The following RAB38 variants were observed in gnomAD, a reference collection of about 807,000 sequenced individuals.
RAB38 encodes the protein RAB38, member RAS oncogene family, also known as ras-related protein Rab-38.
Under a neutral mutation model 18.4 loss-of-function variants are expected in RAB38, and 15 were observed. The observed-to-expected ratio is 0.82, with a 90% confidence interval of 0.55 to 1.26. The LOEUF is 1.26. Among genes scored for constraint, RAB38 ranks in the 50% most tolerant of loss-of-function variants. The pLI is 0.00. For missense variants in RAB38, 294 were observed against 267.4 expected (o/e 1.10, Z -0.69); for synonymous variants, 101 against 104.4 (o/e 0.97, Z 0.20).
At chr11:87,958,822 A>T in the RAB38 span, among the ~76,000 whole-genome samples, 4 of 152,178 alleles carry the variant, frequency 2.6e-5, no homozygotes, top group Non-Finnish European at 5.9e-5. Context: ...AGTAAGTGAC[A>T]TATGCAAATC....
the RAB38 span, among the ~76,000 whole-genome samples, chr11:87,913,380 G>A: frequency 1.3e-5 from 2 of 152,074 alleles, no homozygotes; most frequent in Admixed American, 6.6e-5. Context: ...GTATTTTGAA[G>A]TTCTGTTATT....
chr11:87,861,514 A>G, the RAB38 span, among the ~76,000 whole-genome samples: 12 of 151,942 alleles, frequency 7.9e-5, no homozygotes, highest in Non-Finnish European at 1.3e-4. Context: ...AAAGCAAACA[A>G]AAGCCAGTCA....
At chr11:87,939,065 C>G in the RAB38 span, among the ~76,000 whole-genome samples, 1 of 151,926 alleles carries the variant, frequency 6.6e-6, no homozygotes, top group African/African-American at 2.4e-5. Context: ...TTTGGCATTG[C>G]TTTTTGTGAT....
chr11:88,088,762 A>C, the RAB38 span, among the ~76,000 whole-genome samples: 1 of 151,834 alleles, frequency 6.6e-6, no homozygotes, highest in Non-Finnish European at 1.5e-5. Context: ...AGTCCTTTAA[A>C]TTATTTAAAG....
At chr11:88,064,482 T>TTG in the RAB38 span, among the ~76,000 whole-genome samples, 1 of 152,224 alleles carries the variant, frequency 6.6e-6, no homozygotes, top group African/African-American at 2.4e-5. Flanking sequence ...AGTATGATAC[T>TTG]CTGAGATGAA....
At chr11:88,022,624 A>AAAAC in the RAB38 span, among the ~76,000 whole-genome samples, 7 of 150,246 alleles carry the variant, frequency 4.7e-5, no homozygotes, top group African/African-American at 1.5e-4. Context: ...AAAAAAAAAA[A>AAAAC]AAAAAAAACA....
chr11:87,933,926 G>A, the RAB38 span, among the ~76,000 whole-genome samples: 334 of 152,198 alleles, frequency 2.2e-3, 1 homozygote, highest in Non-Finnish European at 3.9e-3. Context: ...CCTGGAACAT[G>A]GCAGAAAGGC....
chr11:87,865,162 A>G, the RAB38 span, among the ~76,000 whole-genome samples: 2 of 151,638 alleles, frequency 1.3e-5, no homozygotes, highest in African/African-American at 4.8e-5. Context: ...GAAATGGGGT[A>G]TAATGGACTG....
the RAB38 span, among the ~76,000 whole-genome samples, chr11:88,033,437 T>A: frequency 6.6e-6 from 1 of 152,146 alleles, no homozygotes; most frequent in Admixed American, 6.5e-5. Context: ...AACACATTGA[T>A]GAACCTTTGA....
chr11:87,942,734 A>C, the RAB38 span, among the ~76,000 whole-genome samples: 1 of 152,276 alleles, frequency 6.6e-6, no homozygotes, highest in East Asian at 1.9e-4. Flanking sequence ...TTGTCCGATG[A>C]CTGCTGAAGA....
At chr11:88,027,693 C>G in the RAB38 span, among the ~76,000 whole-genome samples, 1 of 152,118 alleles carries the variant, frequency 6.6e-6, no homozygotes, top group Non-Finnish European at 1.5e-5. Flanking sequence ...ATTGCCCAGG[C>G]TTGCTTAGGT....
chr11:88,147,401 G>C (rs1171604094), intron 2 of RAB38, among the ~76,000 whole-genome samples: 1 of 151,938 alleles, frequency 6.6e-6, no homozygotes, highest in Non-Finnish European at 1.5e-5. Context: ...ACAGAGAAAA[G>C]GAGTTCTCAA....
the RAB38 span, among the ~76,000 whole-genome samples, chr11:87,919,150 C>A: frequency 6.6e-6 from 1 of 151,934 alleles, no homozygotes; most frequent in Non-Finnish European, 1.5e-5. Context: ...ACATCATTGT[C>A]AAAAATGAAG....
the RAB38 span, among the ~76,000 whole-genome samples, chr11:87,896,795 G>A: frequency 7.1e-4 from 108 of 151,554 alleles, no homozygotes; most frequent in African/African-American, 2.5e-3. Flanking sequence ...GATAAGTTTC[G>A]TTGTGAATAT....
the RAB38 span, among the ~76,000 whole-genome samples, chr11:87,893,390 A>ATATATATATATTTTTTT: frequency 5.3e-5 from 5 of 93,916 alleles, no homozygotes; most frequent in African/African-American, 1.1e-4. Flanking sequence ...ATATATATAT[A>ATATATATATATTTTTTT]TTTTTTTTTT....
At chr11:87,830,547 G>A in the RAB38 span, among the ~76,000 whole-genome samples, 3 of 151,604 alleles carry the variant, frequency 2.0e-5, no homozygotes, top group South Asian at 6.3e-4. Flanking sequence ...ATGCTAGAGA[G>A]CATTTTTAAA....
At chr11:87,876,299 G>T in the RAB38 span, among the ~76,000 whole-genome samples, 1 of 151,484 alleles carries the variant, frequency 6.6e-6, no homozygotes, top group East Asian at 2.0e-4. Context: ...TCTCTAGTGG[G>T]TATCTGGGCA....
the RAB38 span, among the ~76,000 whole-genome samples, chr11:87,838,896 C>G: frequency 2.0e-5 from 3 of 152,194 alleles, no homozygotes; most frequent in Admixed American, 6.5e-5. Context: ...CATAACAACC[C>G]TGGTGAATTT....
At chr11:88,044,654 C>T in the RAB38 span, among the ~76,000 whole-genome samples, 2 of 152,126 alleles carry the variant, frequency 1.3e-5, no homozygotes, top group Admixed American at 1.3e-4. Flanking sequence ...GCCTGACGTC[C>T]AGGCATTCTT....
Sources: allele counts gnomAD v4.1 joint callset (sites outside exome capture counted in the v4.1 genomes callset), GRCh38; gene constraint gnomAD v4.1.1; transcripts MANE v1.5; gene names NCBI Gene and HGNC (gene_info 2026-07-23, HGNC 2026-07-21).